SMPX: variants seen among roughly 807,000 people sequenced by gnomAD.
SMPX encodes the protein small muscle protein X-linked, also known as small muscular protein.
In SMPX, 2 loss-of-function variants were observed where a neutral mutation model predicts 6.3. The ratio of observed to expected loss-of-function variants is 0.32; its 90% CI spans 0.13 to 0.99. The LOEUF (loss-of-function observed/expected upper bound fraction) is 0.99, where lower values mean the gene tolerates loss of function less well. Ranked by LOEUF, SMPX falls within the 50% of genes least tolerant of loss-of-function variation. The pLI is 0.49. For missense variants in SMPX, 60 were observed against 66.8 expected (o/e 0.90, Z 0.36); for synonymous variants, 32 against 24.7 (o/e 1.30, Z -0.88).
chrX:21,728,219 TC>T (rs1170572727), intron 4 of SMPX, among the ~76,000 whole-genome samples: 32 of 16,348 alleles, frequency 2.0e-3, no homozygotes, highest in Middle Eastern at 0.043. Context: ...CTCCTTTCTC[TC>T]TCTCTCTCTC....
At chrX:21,739,721 GA>G (rs1285854616) in intron 3 of SMPX, among the ~76,000 whole-genome samples, 1 of 112,299 alleles carries the variant, frequency 8.9e-6, no homozygotes, top group Non-Finnish European at 1.9e-5. Context: ...GTGGTGAAAT[GA>G]AAAATGTTTC....
At chrX:21,749,890 T>C (rs143915431) in intron 2 of SMPX, among the ~76,000 whole-genome samples, 3 of 112,320 alleles carry the variant, frequency 2.7e-5, no homozygotes, top group African/African-American at 6.5e-5. Flanking sequence ...ATTTACGTCG[T>C]AGAGCTAAGA....
chrX:21,731,554 T>TGTGTACAC lies in SMPX; in HGVS notation c.*14+5994_*14+5995insGTGTACAC, dbSNP rs2092804134. ...TACACATTATGTGTGTATGTGTATA[T>TGTGTACAC]ATACACATTATGTGTATATGTGTAT... On this transcript the variant is annotated intron_variant, in intron 4 of 4. Coordinates refer to ENST00000379494, the MANE Select transcript of SMPX (RefSeq NM_014332.3). 4.1e-4 allele frequency among the ~76,000 whole-genome samples: 19 copies of TGTGTACAC among 46,411 alleles called. 5 individuals are homozygous for TGTGTACAC. Among genetic ancestry groups the TGTGTACAC allele is most frequent in the Non-Finnish European group, 6.6e-4 (16 of 24,193 alleles). 40.3% of individuals were successfully genotyped at this position (46,411 alleles called of 115,157 possible). A position where few individuals can be genotyped will look rare whatever the true frequency, so the allele number is the denominator to read the frequency against.
At chrX:21,755,228 T>G (rs971575791) in intron 1 of SMPX, among the ~76,000 whole-genome samples, 4 of 112,367 alleles carry the variant, frequency 3.6e-5, no homozygotes, top group African/African-American at 1.3e-4. Flanking sequence ...AATTAAAAAT[T>G]CATTGAATTC....
chrX:21,732,354 A>C (rs185091596), intron 4 of SMPX, among the ~76,000 whole-genome samples: 3 of 112,334 alleles, frequency 2.7e-5, no homozygotes, highest in East Asian at 5.6e-4. Context: ...TTAATTTTTT[A>C]GTTTCCCAGA....
intron 2 of SMPX, among the ~76,000 whole-genome samples, chrX:21,749,323 C>T (rs972567149): frequency 6.2e-5 from 7 of 112,389 alleles, no homozygotes; most frequent in African/African-American, 1.9e-4. Context: ...ACTTTTAACT[C>T]GAAGCCAACT....
chrX:21,757,239 G>A (rs994824187), intron 1 of SMPX, among the ~76,000 whole-genome samples: 5 of 111,669 alleles, frequency 4.5e-5, no homozygotes, highest in Admixed American at 3.8e-4. Context: ...CCTGAGAAGG[G>A]TGTAGAAAGA....
chrX:21,712,620 T>C (rs970194992), intron 4 of SMPX, among the ~76,000 whole-genome samples: 1 of 111,066 alleles, frequency 9.0e-6, no homozygotes. Flanking sequence ...GAAATTTCTC[T>C]TCATCCATCA....
intron 4 of SMPX, among the ~76,000 whole-genome samples, chrX:21,711,515 T>C (rs1369225854): frequency 8.9e-6 from 1 of 111,798 alleles, no homozygotes; most frequent in Non-Finnish European, 1.9e-5. Context: ...AAGCAAAACC[T>C]CTAGTTTACA....
At chrX:21,733,696 T>C in intron 4 of SMPX, 1 of 328,099 alleles carries the variant, frequency 3.0e-6, no homozygotes, top group Non-Finnish European at 5.9e-6. Context: ...GATGCGTCAT[T>C]ACCACTTTGA....
intron 4 of SMPX, among the ~76,000 whole-genome samples, chrX:21,737,088 G>C (rs931160702): frequency 2.7e-5 from 3 of 110,527 alleles, no homozygotes; most frequent in African/African-American, 9.9e-5. Flanking sequence ...CTTGATTAAA[G>C]GACTGAACTC....
intron 2 of SMPX, among the ~76,000 whole-genome samples, chrX:21,752,954 G>C (rs185317970): frequency 8.9e-6 from 1 of 112,069 alleles, no homozygotes; most frequent in Non-Finnish European, 1.9e-5. Flanking sequence ...TCCTACACCA[G>C]TACAGGATGG....
At chrX:21,731,606 A>G (rs767311738) in intron 4 of SMPX, among the ~76,000 whole-genome samples, 10 of 97,423 alleles carry the variant, frequency 1.0e-4, no homozygotes, top group South Asian at 4.9e-4. Context: ...ATTAATGTGT[A>G]TATGTGTATA....
intron 1 of SMPX, among the ~76,000 whole-genome samples, chrX:21,757,546 G>A (rs752371069): frequency 8.9e-6 from 1 of 111,928 alleles, no homozygotes; most frequent in East Asian, 2.8e-4. Flanking sequence ...TTTGCATTTT[G>A]GTAAATAAAG....
chrX:21,706,130 A>G lies in SMPX; in HGVS notation c.*279T>C. 1.9e-6 allele frequency: 1 copy of G among 513,295 alleles called. No homozygotes were observed. Among genetic ancestry groups the G allele is most frequent in the Non-Finnish European group, 3.5e-6 (1 of 286,653 alleles). The allele number at this position is 513,295 out of a possible 1,213,427, so 42.3% of individuals were successfully genotyped here. On this transcript the variant is annotated 3_prime_UTR_variant, in exon 5 of 5. Coordinates refer to ENST00000379494, the MANE Select transcript of SMPX (RefSeq NM_014332.3). ...CATCAAAATCGTTAGGCACATTGCC[A>G]TATCATTCTCCATAAAATCATATCC...
intron 4 of SMPX, among the ~76,000 whole-genome samples, chrX:21,730,378 T>C (rs941370817): frequency 3.6e-5 from 4 of 112,185 alleles, no homozygotes; most frequent in Non-Finnish European, 7.5e-5. Flanking sequence ...TGTGATAAAA[T>C]GTAAAGTGGA....
At chrX:21,719,431 T>G (rs2092789079) in intron 4 of SMPX, among the ~76,000 whole-genome samples, 1 of 109,738 alleles carries the variant, frequency 9.1e-6, no homozygotes, top group East Asian at 2.8e-4. Flanking sequence ...GGCATGAGAC[T>G]CGCTTGAACC....
At chrX:21,747,027 T>C (rs2092822203) in intron 2 of SMPX, among the ~76,000 whole-genome samples, 1 of 111,957 alleles carries the variant, frequency 8.9e-6, no homozygotes, top group African/African-American at 3.2e-5. Context: ...TCTCAGCGAC[T>C]AATTTTTCTA....
intron 1 of SMPX, among the ~76,000 whole-genome samples, chrX:21,757,326 G>A (rs1045712370): frequency 9.0e-6 from 1 of 111,378 alleles, no homozygotes; most frequent in African/African-American, 3.3e-5. Context: ...TACTCTTAGC[G>A]TTCTCATACT....
Sources: gnomAD v4.1 joint callset for allele counts (sites outside exome capture counted in the v4.1 genomes callset) on GRCh38, gnomAD v4.1.1 for gene constraint, MANE v1.5 for transcripts, NCBI Gene and HGNC (gene_info 2026-07-23, HGNC 2026-07-21) for gene names.